IL17C: variants seen among roughly 807,000 people sequenced by gnomAD.
IL17C encodes interleukin 17C.
IL17C carries 13 observed loss-of-function variants against 11.0 expected under a neutral mutation model. The ratio of observed to expected loss-of-function variants is 1.18; its 90% CI spans 0.77 to 1.88. The LOEUF (loss-of-function observed/expected upper bound fraction) is 1.88. Ranked by LOEUF, IL17C falls within the 40% of genes most tolerant of loss-of-function variation. IL17C has a pLI of 0.00. For missense variants in IL17C, 357 were observed against 278.2 expected (o/e 1.28, Z -2.01); for synonymous variants, 150 against 125.8 (o/e 1.19, Z -1.29).
intron 1 of IL17C, 71 bp from the exon 2 acceptor site, chr16:88,638,910 A>T: frequency 1.5e-6 from 2 of 1,378,514 alleles, no homozygotes; most frequent in East Asian, 2.3e-5. Flanking sequence ...GGGAACAAGG[A>T]AAGCTGAGGT....
chr16:88,639,940 C>G lies in IL17C; in HGVS notation c.462C>G (p.Ser154Arg). The G allele has an allele frequency of 6.2e-7, 1 of 1,610,446 alleles. No homozygotes were observed. The highest frequency in any genetic ancestry group is 8.5e-7 in the Non-Finnish European group (1 of 1,179,224). Residue 154 changes from serine (S) to arginine (R), a missense_variant, in exon 3 of 3, where the codon AGC becomes AGG. Physicochemically the swap from Ser to Arg is moderately radical, Grantham distance 110. Transcript: ENST00000244241. The surrounding 1 kb of genome is among the most constrained non-coding windows in gnomAD (Gnocchi z 5.1). ...TCAACTCCGTGCGGCTGCTCCAGAG[C>G]CTGCTGGTGCTGCGCCGCCGGCCCT... ...AALNSVRLLQ[S>R]LLVLRRRPCS...
At chr16:88,638,788 G>A in intron 1 of IL17C, 141 bp downstream of exon 1, 2 of 1,364,016 alleles carry the variant, frequency 1.5e-6, no homozygotes, top group Admixed American at 3.5e-5. Context: ...AGGGGAGGCA[G>A]CTGCAGATCC....
At position 88,639,755 on chromosome 16, in the gene IL17C, G is replaced by A; in HGVS notation, c.336-59G>A. Reference sequence around the variant, plus strand: ...TACACGGAGAGGGGCCCTGAGGGGAGAGGGGCCTCCAGGAGGACAGGGTAG... The same window carrying A: ...TACACGGAGAGGGGCCCTGAGGGGAAAGGGGCCTCCAGGAGGACAGGGTAG... On this transcript the variant is annotated intron_variant, in intron 2 of 2. Coordinates refer to ENST00000244241, the MANE Select transcript of IL17C (RefSeq NM_013278.4). This position sits in a 1 kb window ranked among gnomAD's most constrained non-coding sequence, Gnocchi z 5.1. The A allele has an allele frequency of 4.8e-6, 7 of 1,464,466 alleles. No homozygotes were observed. Among genetic ancestry groups the A allele is most frequent in the Non-Finnish European group, 6.3e-6 (7 of 1,105,834 alleles). 90.7% of individuals were successfully genotyped at this position (1,464,466 alleles called of 1,614,324 possible).
chr16:88,638,860 C>A, intron 1 of IL17C, 121 bp from the exon 2 acceptor site: 1 of 1,178,580 alleles, frequency 8.5e-7, no homozygotes. Flanking sequence ...GCTTCAGTTT[C>A]CCCATCTATA....
Position 88,639,027 on chromosome 16 carries a change from C to G in IL17C, c.53C>G (p.Ala18Gly). Reference sequence around the variant, plus strand: ...CTGACCTGGCTGCACACATGCCTGGCCCACCATGACCCCTCCCTCAGGGGG... The same window carrying G: ...CTGACCTGGCTGCACACATGCCTGGGCCACCATGACCCCTCCCTCAGGGGG... ...LFLTWLHTCLAHHDPSLRGHP... is the reference protein window; with the variant it reads ...LFLTWLHTCLGHHDPSLRGHP... The change falls in exon 2 of 3, where the codon GCC becomes GGC. Residue 18 changes from alanine (A) to glycine (G), a missense_variant. Physicochemically the swap from Ala to Gly is moderately conservative, Grantham distance 60. Transcript: ENST00000244241. The surrounding 1 kb of genome is among the most constrained non-coding windows in gnomAD (Gnocchi z 5.1). 6.2e-7 allele frequency: 1 copy of G among 1,603,034 alleles called. No homozygotes were observed. The highest frequency in any genetic ancestry group is 8.5e-7 in the Non-Finnish European group (1 of 1,173,774).
Position 88,638,927 on chromosome 16 carries a change from G to A in IL17C, c.7-54G>A, listed in dbSNP as rs557158502. ...GAACAAGGAAAGCTGAGGTGGAAGT[G>A]AGGTGCCCCCTGCCCTGGGCACCTC... On this transcript the variant is annotated intron_variant, in intron 1 of 2. Coordinates refer to ENST00000244241, the MANE Select transcript of IL17C (RefSeq NM_013278.4). 2.8e-5 allele frequency: 41 copies of A among 1,443,720 alleles called. 1 individual carries two copies. In the South Asian group the frequency reaches 4.9e-4, roughly 17 times the overall value. 89.4% of individuals were successfully genotyped at this position (1,443,720 alleles called of 1,614,324 possible). A position where few individuals can be genotyped will look rare whatever the true frequency, so the allele number is the denominator to read the frequency against.
At position 88,640,217 on chromosome 16, in the gene IL17C, C is replaced by T. The variant is rs529666602; in HGVS notation, c.*145C>T. 8.2e-6 allele frequency: 7 copies of T among 852,520 alleles called. No individual in the cohort carries two copies. The highest frequency in any genetic ancestry group is 1.2e-5 in the Non-Finnish European group (7 of 574,594). The allele number at this position is 852,520 out of a possible 1,614,324, so 52.8% of individuals were successfully genotyped here. A position where few individuals can be genotyped will look rare whatever the true frequency, so the allele number is the denominator to read the frequency against. Reference sequence around the variant, plus strand: ...TTCCCCGTGTCTGGAGGACAGCCCCCCACTGTTCTCCTCATCTCCAGCCTC... The same window carrying T: ...TTCCCCGTGTCTGGAGGACAGCCCCTCACTGTTCTCCTCATCTCCAGCCTC... On this transcript the variant is annotated 3_prime_UTR_variant, in exon 3 of 3. Coordinates refer to ENST00000244241, the MANE Select transcript of IL17C (RefSeq NM_013278.4).
chr16:88,638,959 A>T (rs542676328), intron 1 of IL17C, 22 bp from the exon 2 acceptor site: 1 of 1,542,790 alleles, frequency 6.5e-7, no homozygotes, highest in East Asian at 2.3e-5. Context: ...CCTCCTAACC[A>T]CCCACCTGCC....
rs201546400 is a variant in IL17C, at chr16:88,640,052, G to C, written c.574G>C (p.Val192Leu). ...CCACGTCCCCGTCGGCTGCACCTGC[G>C]TGCTGCCCCGTTCAGTGTGACCGCC... is the stretch of plus-strand genomic sequence containing the variant. Reference protein sequence around the residue: ...FIHVPVGCTCVLPRSV With the variant: ...FIHVPVGCTCLLPRSV Residue 192 changes from valine (V) to leucine (L), a missense_variant, in exon 3 of 3, where the codon GTG becomes CTG. Physicochemically the swap from Val to Leu is conservative, Grantham distance 32. Coordinates refer to ENST00000244241, the MANE Select transcript of IL17C (RefSeq NM_013278.4). 1 of 1,577,436 alleles carries C rather than the reference G, an allele frequency of 6.3e-7. No homozygotes were observed. Among genetic ancestry groups the C allele is most frequent in the Non-Finnish European group, 8.6e-7 (1 of 1,159,232 alleles).
In IL17C at chr16:88,639,040, C is replaced by T; in HGVS notation, c.66C>T (p.Pro22=). Residue 22 remains proline, a synonymous_variant, in exon 2 of 3, where the codon CCC becomes CCT. Coordinates refer to ENST00000244241, the MANE Select transcript of IL17C (RefSeq NM_013278.4). The surrounding 1 kb of genome is among the most constrained non-coding windows in gnomAD (Gnocchi z 5.1). ...ACACATGCCTGGCCCACCATGACCC[C>T]TCCCTCAGGGGGCACCCCCACAGTC... ...WLHTCLAHHD[P]SLRGHPHSHG... is the part of the protein sequence containing the mutation. The T allele has an allele frequency of 6.2e-7, 1 of 1,609,098 alleles. No homozygotes were observed. The highest frequency in any genetic ancestry group is 1.1e-5 in the South Asian group (1 of 90,672).
At position 88,639,808 on chromosome 16, in the gene IL17C, C is replaced by T. The variant is rs1347016419; in HGVS notation, c.336-6C>T. 6 of 1,544,900 alleles carry T rather than the reference C, an allele frequency of 3.9e-6. No individual in the cohort carries two copies. Among genetic ancestry groups the T allele is most frequent in the Non-Finnish European group, 4.4e-6 (5 of 1,143,736 alleles). ...CCAGAGACTCACTGTGCACCCCGTCCCGCAGTGTGGACACGGATGAGGACC... is the reference window on the plus strand; with the variant it reads ...CCAGAGACTCACTGTGCACCCCGTCTCGCAGTGTGGACACGGATGAGGACC... On this transcript the variant is annotated splice_region_variant and splice_polypyrimidine_tract_variant and intron_variant, in intron 2 of 2. Transcript: ENST00000244241. The surrounding 1 kb of genome is among the most constrained non-coding windows in gnomAD (Gnocchi z 5.1).
Position 88,639,961 on chromosome 16 carries a change from G to A in IL17C, c.483G>A (p.Arg161=), listed in dbSNP as rs373918254. 2 of 1,610,056 alleles carry A rather than the reference G, an allele frequency of 1.2e-6. No individual in the cohort carries two copies. ...AGAGCCTGCTGGTGCTGCGCCGCCG[G>A]CCCTGCTCCCGCGACGGCTCGGGGC... is the stretch of plus-strand genomic sequence containing the variant. ...LLQSLLVLRR[R]PCSRDGSGLP... is the part of the protein sequence containing the mutation. Residue 161 remains arginine, a synonymous_variant, in exon 3 of 3, where the codon CGG becomes CGA. Transcript: ENST00000244241. The surrounding 1 kb of genome is among the most constrained non-coding windows in gnomAD (Gnocchi z 5.1).
rs1008254899 is a variant in IL17C, at chr16:88,639,690, C to G, written c.336-124C>G. The G allele has an allele frequency of 8.3e-7, 1 of 1,203,994 alleles. No homozygotes were observed. Among genetic ancestry groups the G allele is most frequent in the Admixed American group, 3.0e-5 (1 of 33,572 alleles). 74.6% of individuals were successfully genotyped at this position (1,203,994 alleles called of 1,614,324 possible). A position where few individuals can be genotyped will look rare whatever the true frequency, so the allele number is the denominator to read the frequency against. On this transcript the variant is annotated intron_variant, in intron 2 of 2. Transcript: ENST00000244241. The surrounding 1 kb of genome is among the most constrained non-coding windows in gnomAD (Gnocchi z 5.1). The stretch of plus-strand genomic sequence containing the variant: ...TGTGAGCCCGACTGCACCCCAAGCC[C>G]GTGTGGCTCAGCCCTCGCTGCCTCA...
chr16:88,639,176 T>C lies in IL17C; in HGVS notation c.202T>C (p.Ser68Pro), dbSNP rs1597368669. 11 of 1,612,854 alleles carry C rather than the reference T, an allele frequency of 6.8e-6. No homozygotes were observed. The Middle Eastern group carries it at 1.7e-3, about 242-fold the overall frequency. Residue 68 changes from serine (S) to proline (P), a missense_variant, in exon 2 of 3, where the codon TCC (serine) becomes CCC (proline). Transcript: ENST00000244241. The surrounding 1 kb of genome is among the most constrained non-coding windows in gnomAD (Gnocchi z 5.1). ...WGQALPVALVSSLEAASHRGR... is the reference protein window; with the variant it reads ...WGQALPVALVPSLEAASHRGR... ...GCAGGCTTTGCCTGTAGCCCTGGTGTCCAGCCTGGAGGCAGCAAGCCACAG... is the reference window on the plus strand; with the variant it reads ...GCAGGCTTTGCCTGTAGCCCTGGTGCCCAGCCTGGAGGCAGCAAGCCACAG...
chr16:88,639,625 G>C lies in IL17C; in HGVS notation c.336-189G>C, dbSNP rs1906998666. Among the ~76,000 whole-genome samples the C allele has an allele frequency of 6.6e-6, 1 of 152,204 alleles. No individual in the cohort carries two copies. The highest frequency in any genetic ancestry group is 2.4e-5 in the African/African-American group (1 of 41,454). ...TAGAGGCCTCCGGACCCTGCTCTGTGCTCTTGGAGGGCCCTGGGGAGACGT... is the reference window on the plus strand; with the variant it reads ...TAGAGGCCTCCGGACCCTGCTCTGTCCTCTTGGAGGGCCCTGGGGAGACGT... On this transcript the variant is annotated intron_variant, in intron 2 of 2. Coordinates refer to ENST00000244241, the MANE Select transcript of IL17C (RefSeq NM_013278.4). The surrounding 1 kb of genome is among the most constrained non-coding windows in gnomAD (Gnocchi z 5.1).
At position 88,639,593 on chromosome 16, in the gene IL17C, A is replaced by T. The variant is rs1906997780; in HGVS notation, c.336-221A>T. Among the ~76,000 whole-genome samples the T allele has an allele frequency of 1.3e-5, 2 of 152,022 alleles. No individual in the cohort carries two copies. Among genetic ancestry groups the T allele is most frequent in the Non-Finnish European group, 2.9e-5 (2 of 67,962 alleles). On this transcript the variant is annotated intron_variant, in intron 2 of 2. Transcript: ENST00000244241. The surrounding 1 kb of genome is among the most constrained non-coding windows in gnomAD (Gnocchi z 5.1). ...GGGGCTGGGTGATGAAGTGGAAGGG[A>T]GGCTCCTAGAGGCCTCCGGACCCTG...
Position 88,640,436 on chromosome 16 carries a change from A to C in IL17C, c.*364A>C. 4.0e-6 allele frequency: 1 copy of C among 249,164 alleles called. No individual in the cohort carries two copies. The highest frequency in any genetic ancestry group is 2.2e-5 in the African/African-American group (1 of 44,884). The allele number at this position is 249,164 out of a possible 1,614,324, so 15.4% of individuals were successfully genotyped here. On this transcript the variant is annotated 3_prime_UTR_variant, in exon 3 of 3. Coordinates refer to ENST00000244241, the MANE Select transcript of IL17C (RefSeq NM_013278.4). ...ACCCCTGTTTCTTAAACAATTATTT[A>C]AGTGTACGTGTATTATTAAACTGAT...
chr16:88,640,031 G>T lies in IL17C; in HGVS notation c.553G>T (p.Val185Phe). The change falls in exon 3 of 3, where the codon GTC becomes TTC. Residue 185 changes from valine (V) to phenylalanine (F), a missense_variant. By Grantham distance (50) the Val-to-Phe change is conservative. Coordinates refer to ENST00000244241, the MANE Select transcript of IL17C (RefSeq NM_013278.4). ...AFAFHTEFIH[V>F]PVGCTCVLPR... ...TGCCTTCCACACCGAGTTCATCCAC[G>T]TCCCCGTCGGCTGCACCTGCGTGCT... 6.3e-7 allele frequency: 1 copy of T among 1,592,522 alleles called. No individual in the cohort carries two copies. Among genetic ancestry groups the T allele is most frequent in the Non-Finnish European group, 8.6e-7 (1 of 1,167,124 alleles).
Position 88,639,837 on chromosome 16 carries a change from A to G in IL17C, c.359A>G (p.Tyr120Cys), listed in dbSNP as rs1907005749. Residue 120 changes from tyrosine (Y) to cysteine (C), a missense_variant, in exon 3 of 3, where the codon TAT (tyrosine) becomes TGT (cysteine). Physicochemically the swap from Tyr to Cys is radical, Grantham distance 194 (BLOSUM62 -2). Transcript: ENST00000244241. The surrounding 1 kb of genome is among the most constrained non-coding windows in gnomAD (Gnocchi z 5.1). Reference protein sequence around the residue: ...RYRVDTDEDRYPQKLAFAECL... With the variant: ...RYRVDTDEDRCPQKLAFAECL... ...AGTGTGGACACGGATGAGGACCGCTATCCACAGAAGCTGGCCTTCGCCGAG... is the reference window on the plus strand; with the variant it reads ...AGTGTGGACACGGATGAGGACCGCTGTCCACAGAAGCTGGCCTTCGCCGAG... 3 of 1,580,590 alleles carry G rather than the reference A, an allele frequency of 1.9e-6. No homozygotes were observed. Among genetic ancestry groups the G allele is most frequent in the Non-Finnish European group, 2.6e-6 (3 of 1,164,204 alleles).
Sources: gnomAD v4.1 joint callset for allele counts (sites outside exome capture counted in the v4.1 genomes callset) on GRCh38, gnomAD v4.1.1 for gene constraint, Gnocchi (gnomAD v3.1) non-coding constraint, MANE v1.5 for transcripts, NCBI Gene and HGNC (gene_info 2026-07-23, HGNC 2026-07-21) for gene names.